The following IQCM variants were observed in gnomAD, a reference collection of about 807,000 sequenced individuals.
The protein encoded by IQCM is IQ domain-containing protein M.
Under a neutral mutation model 57.6 loss-of-function variants are expected in IQCM, and 45 were observed. The observed-to-expected ratio is 0.78, with a 90% CI of 0.62 to 1.00. The LOEUF is 1.00. Among genes scored for constraint, IQCM ranks in the 50% least tolerant of loss-of-function variants. IQCM has a pLI of 0.00. For synonymous variants in IQCM, 148 were observed against 158.9 expected, an observed-to-expected ratio of 0.93 and a Z score of 0.51; for missense variants, 468 against 511.6, an observed-to-expected ratio of 0.91 and a Z score of 0.82.
At chr4:149,634,100 C>A in intron 7 of IQCM, among the ~76,000 whole-genome samples, 1 of 151,998 alleles carries the variant, frequency 6.6e-6, no homozygotes, top group Admixed American at 6.6e-5. Flanking sequence ...AACTCTGCCT[C>A]CCAGGTTCAA....
At chr4:149,503,227 T>C (rs1489614019) in intron 12 of IQCM, among the ~76,000 whole-genome samples, 1 of 151,988 alleles carries the variant, frequency 6.6e-6, no homozygotes, top group African/African-American at 2.4e-5. Context: ...TCTCTACAAA[T>C]AAAATTAAAT....
At chr4:149,510,881 A>T (rs1744335914) in intron 12 of IQCM, among the ~76,000 whole-genome samples, 1 of 152,194 alleles carries the variant, frequency 6.6e-6, no homozygotes, top group African/African-American at 2.4e-5. Flanking sequence ...AACCTTGATC[A>T]TTTAGCCAGG....
At chr4:149,784,479 C>T (rs547793329) in intron 2 of IQCM, among the ~76,000 whole-genome samples, 8 of 152,160 alleles carry the variant, frequency 5.3e-5, no homozygotes, top group Non-Finnish European at 1.0e-4. Flanking sequence ...GCAGTGGCGC[C>T]ATCTAGGCTC....
At chr4:149,535,478 A>G (rs974756432) in intron 12 of IQCM, among the ~76,000 whole-genome samples, 18 of 152,018 alleles carry the variant, frequency 1.2e-4, no homozygotes, top group African/African-American at 4.1e-4. Flanking sequence ...TACTGGGTGT[A>G]TAATCTTAAT....
At chr4:149,797,663 A>C (rs1336948524) in intron 2 of IQCM, among the ~76,000 whole-genome samples, 1 of 152,090 alleles carries the variant, frequency 6.6e-6, no homozygotes, top group South Asian at 2.1e-4. Context: ...GGATAAAGAA[A>C]GAACCCTAAA....
rs1190818849 is a variant in IQCM, at chr4:149,351,758, T to C, written c.*193A>G. 5 of 374,838 alleles carry C rather than the reference T, an allele frequency of 1.3e-5. No homozygotes were observed. Among genetic ancestry groups the C allele is most frequent in the Non-Finnish European group, 2.4e-5 (5 of 212,226 alleles). The allele number at this position is 374,838 out of a possible 1,614,324, so 23.2% of individuals were successfully genotyped here. A position where few individuals can be genotyped will look rare whatever the true frequency, so the allele number is the denominator to read the frequency against. On this transcript the variant is annotated 3_prime_UTR_variant, in exon 14 of 14. Transcript: ENST00000636793. Reference sequence around the variant, plus strand: ...TCATTATGATAAAAGAGATGTTTTTTATGAAGGAGATCAAATGAATGGTGT... The same window carrying C: ...TCATTATGATAAAAGAGATGTTTTTCATGAAGGAGATCAAATGAATGGTGT...
At chr4:149,500,772 T>C (rs2149791552) in intron 12 of IQCM, among the ~76,000 whole-genome samples, 1 of 152,256 alleles carries the variant, frequency 6.6e-6, no homozygotes, top group East Asian at 1.9e-4. Context: ...AAATCAATAC[T>C]AGTTCCTTTT....
intron 6 of IQCM, among the ~76,000 whole-genome samples, chr4:149,684,369 G>C (rs898759414): frequency 6.6e-6 from 1 of 151,160 alleles, no homozygotes; most frequent in Non-Finnish European, 1.5e-5. Context: ...CTTTTGTTGG[G>C]CCAATATTTC....
At chr4:149,711,147 A>G (rs935961726) in intron 5 of IQCM, 6 of 152,262 alleles carry the variant, frequency 3.9e-5, no homozygotes, top group African/African-American at 1.4e-4. Flanking sequence ...AGTTTTTCCA[A>G]GCAGCTAAGG....
intron 9 of IQCM, among the ~76,000 whole-genome samples, chr4:149,583,953 T>A (rs1047371594): frequency 6.6e-6 from 1 of 151,274 alleles, no homozygotes; most frequent in Non-Finnish European, 1.5e-5. Context: ...AAAAATGAGA[T>A]CCCACTTCAT....
chr4:149,513,595 A>C (rs1035716320), intron 12 of IQCM, among the ~76,000 whole-genome samples: 3 of 152,190 alleles, frequency 2.0e-5, no homozygotes, highest in African/African-American at 7.2e-5. Flanking sequence ...TGAAAGAGAC[A>C]GAAGTAAAAA....
intron 7 of IQCM, among the ~76,000 whole-genome samples, chr4:149,632,806 CTG>C (rs1273412638): frequency 6.6e-6 from 1 of 152,172 alleles, no homozygotes; most frequent in Non-Finnish European, 1.5e-5. Context: ...AATTAAAAAT[CTG>C]TGTTAGTACT....
intron 12 of IQCM, among the ~76,000 whole-genome samples, chr4:149,467,745 G>C (rs1166756045): frequency 6.6e-6 from 1 of 152,142 alleles, no homozygotes; most frequent in Non-Finnish European, 1.5e-5. Flanking sequence ...GGTTTTAGTA[G>C]AGCAATGCAG....
chr4:149,493,080 C>T (rs1742268497), intron 12 of IQCM, among the ~76,000 whole-genome samples: 1 of 152,056 alleles, frequency 6.6e-6, no homozygotes, highest in South Asian at 2.1e-4. Flanking sequence ...GGGGAATATC[C>T]ACTCCTGGGG....
At chr4:149,365,735 A>T (rs1264373782) in intron 13 of IQCM, among the ~76,000 whole-genome samples, 2 of 152,042 alleles carry the variant, frequency 1.3e-5, no homozygotes, top group Non-Finnish European at 2.9e-5. Flanking sequence ...AGCTTAAAAA[A>T]AATCAGACAA....
intron 2 of IQCM, among the ~76,000 whole-genome samples, chr4:149,811,973 T>A (rs1391180926): frequency 2.0e-5 from 3 of 152,228 alleles, no homozygotes; most frequent in South Asian, 4.1e-4. Flanking sequence ...AGATATGTTT[T>A]GATAGAAGGG....
intron 7 of IQCM, among the ~76,000 whole-genome samples, chr4:149,672,515 G>A (rs1198833038): frequency 2.6e-5 from 4 of 152,176 alleles, no homozygotes; most frequent in Non-Finnish European, 5.9e-5. Flanking sequence ...TCAACTGGAA[G>A]AAAGGGTATC....
intron 5 of IQCM, among the ~76,000 whole-genome samples, chr4:149,726,072 A>AAAGG (rs1765871199): frequency 7.2e-5 from 2 of 27,936 alleles, no homozygotes; most frequent in Admixed American, 8.0e-4. Flanking sequence ...CTTCCCTCTA[A>AAAGG]AAGAAAGAAA....
At chr4:149,502,742 T>C (rs1560922419) in intron 12 of IQCM, among the ~76,000 whole-genome samples, 2 of 151,794 alleles carry the variant, frequency 1.3e-5, no homozygotes, top group African/African-American at 4.8e-5. Flanking sequence ...ATGGAAGAAA[T>C]GCAGTTGAAG....
Sources: gnomAD v4.1 joint callset for allele counts (sites outside exome capture counted in the v4.1 genomes callset) on GRCh38, gnomAD v4.1.1 for gene constraint, MANE v1.5 for transcripts, NCBI Gene and HGNC (gene_info 2026-07-23, HGNC 2026-07-21) for gene names.